The following MSH3 variants were observed in gnomAD, a reference collection of about 807,000 sequenced individuals.
MSH3 encodes the protein DNA mismatch repair protein Msh3.
In MSH3, 106 loss-of-function variants were observed where a neutral mutation model predicts 123.3. The observed-to-expected ratio is 0.86, with a 90% CI of 0.73 to 1.01. The LOEUF (loss-of-function observed/expected upper bound fraction) is 1.01, where lower values mean the gene tolerates loss of function less well. MSH3 is among the 50% of genes least tolerant of loss of function. The pLI, the probability that MSH3 is intolerant of heterozygous loss-of-function variation, is 0.00. For synonymous variants in MSH3, 515 were observed against 481.4 expected (o/e 1.07, Z -0.91); for missense variants, 1,459 against 1,347.6 (o/e 1.08, Z -1.29).
chr5:80,820,030 G>A (rs919943431), intron 20 of MSH3, among the ~76,000 whole-genome samples: 3 of 152,146 alleles, frequency 2.0e-5, no homozygotes, highest in African/African-American at 4.8e-5. Flanking sequence ...ATGTGTATAC[G>A]TGTTTATTTG....
intron 17 of MSH3, 130 bp downstream of exon 17, chr5:80,778,966 C>T: frequency 1.6e-4 from 84 of 523,488 alleles, no homozygotes; most frequent in South Asian, 3.3e-4. Context: ...TACATGTGTT[C>T]TCTGATTTTA....
chr5:80,753,463 C>A (rs1394551750), intron 12 of MSH3, among the ~76,000 whole-genome samples: 1 of 152,110 alleles, frequency 6.6e-6, no homozygotes, highest in Non-Finnish European at 1.5e-5. Context: ...AATAATATAA[C>A]CATGAACAAT....
intron 12 of MSH3, among the ~76,000 whole-genome samples, chr5:80,758,118 ACTT>A (rs768075622): frequency 3.3e-5 from 5 of 152,132 alleles, no homozygotes; most frequent in Non-Finnish European, 5.9e-5. Flanking sequence ...GATCATTACT[ACTT>A]GTCAGGTTTA....
At chr5:80,697,390 T>G (rs1303490758) in intron 8 of MSH3, among the ~76,000 whole-genome samples, 2 of 152,206 alleles carry the variant, frequency 1.3e-5, no homozygotes, top group African/African-American at 2.4e-5. Context: ...TTTTTTACCT[T>G]CATAGTTAAA....
At chr5:80,766,148 C>T (rs1421131220) in intron 13 of MSH3, among the ~76,000 whole-genome samples, 1 of 151,936 alleles carries the variant, frequency 6.6e-6, no homozygotes, top group African/African-American at 2.4e-5. Flanking sequence ...TAGAAGTTCC[C>T]TAACAGGGCA....
chr5:80,741,599 T>C (rs1743615948), intron 11 of MSH3, 51 bp downstream of exon 11: 1 of 1,280,528 alleles, frequency 7.8e-7, no homozygotes, highest in African/African-American at 1.5e-5. Context: ...GGGAAAAACT[T>C]CTGAGTAAGG....
At position 80,728,795 on chromosome 5, in the gene MSH3, T is replaced by A. The variant is rs578090325; in HGVS notation, c.1454-56T>A. On this transcript the variant is annotated intron_variant, in intron 9 of 23. Transcript: ENST00000265081. Reference sequence around the variant, plus strand: ...TAATGGTTCTGTTTATTACATTTTTTAATTTGATTAATTTAAAAGAATTTT... The same window carrying A: ...TAATGGTTCTGTTTATTACATTTTTAAATTTGATTAATTTAAAAGAATTTT... 1.1e-4 allele frequency: 103 copies of A among 942,470 alleles called. No homozygotes were observed. The East Asian group carries it at 2.3e-3, about 21-fold the overall frequency. The allele number at this position is 942,470 out of a possible 1,614,324, so 58.4% of individuals were successfully genotyped here. A position where few individuals can be genotyped will look rare whatever the true frequency, so the allele number is the denominator to read the frequency against.
At chr5:80,792,635 G>A (rs1016585262) in intron 18 of MSH3, 98 bp from the exon 19 acceptor site, 29 of 705,806 alleles carry the variant, frequency 4.1e-5, no homozygotes, top group Middle Eastern at 3.5e-4. Flanking sequence ...GTTTTCTGTC[G>A]TACAAACAGA....
chr5:80,778,690 T>G (rs1411259051), intron 16 of MSH3, 30 bp from the exon 17 acceptor site: 3 of 1,277,114 alleles, frequency 2.3e-6, no homozygotes, highest in South Asian at 2.4e-5. Flanking sequence ...TAACCTTGAT[T>G]TCCTATTTGT....
intron 4 of MSH3, 56 bp from the exon 5 acceptor site, chr5:80,672,183 AACATC>A: frequency 8.4e-7 from 1 of 1,190,296 alleles, no homozygotes; most frequent in Non-Finnish European, 1.2e-6. Context: ...AAAGTGAACC[AACATC>A]ACATAGGGAA....
At chr5:80,791,954 A>T (rs1170876583) in intron 18 of MSH3, among the ~76,000 whole-genome samples, 1 of 152,204 alleles carries the variant, frequency 6.6e-6, no homozygotes, top group Non-Finnish European at 1.5e-5. Context: ...TAAAACAGAT[A>T]TAGAGGTCTT....
intron 12 of MSH3, among the ~76,000 whole-genome samples, chr5:80,752,164 A>T (rs1188198974): frequency 6.6e-6 from 1 of 151,990 alleles, no homozygotes; most frequent in Non-Finnish European, 1.5e-5. Flanking sequence ...ATAAAGGAAA[A>T]TGCCTAGGAA....
At chr5:80,739,093 T>C (rs1275377192) in intron 10 of MSH3, among the ~76,000 whole-genome samples, 1 of 152,210 alleles carries the variant, frequency 6.6e-6, no homozygotes, top group Admixed American at 6.5e-5. Flanking sequence ...TAAACAAAGA[T>C]GCCAGCTAAG....
chr5:80,684,408 C>T (rs1046170264), intron 8 of MSH3, among the ~76,000 whole-genome samples: 1 of 151,852 alleles, frequency 6.6e-6, no homozygotes, highest in African/African-American at 2.4e-5. Flanking sequence ...TTGGTTAACT[C>T]CTAGATATTT....
intron 8 of MSH3, among the ~76,000 whole-genome samples, chr5:80,690,349 C>T (rs1284845152): frequency 6.6e-6 from 1 of 151,992 alleles, no homozygotes; most frequent in Non-Finnish European, 1.5e-5. Context: ...GCTCTGTCAC[C>T]CAGACTGGAG....
chr5:80,758,098 G>A (rs991198587), intron 12 of MSH3, among the ~76,000 whole-genome samples: 1 of 152,100 alleles, frequency 6.6e-6, no homozygotes, highest in Admixed American at 6.5e-5. Context: ...TCAGCACAGC[G>A]AGTACTTCAG....
intron 20 of MSH3, among the ~76,000 whole-genome samples, chr5:80,839,675 T>A (rs1745582474): frequency 6.6e-6 from 1 of 152,258 alleles, no homozygotes. Context: ...ATAATCCTCC[T>A]ACCCAGAGAT....
At chr5:80,674,830 T>G (rs1372123355) in intron 6 of MSH3, among the ~76,000 whole-genome samples, 153 bp from the exon 7 acceptor site, 1 of 152,138 alleles carries the variant, frequency 6.6e-6, no homozygotes, top group Non-Finnish European at 1.5e-5. Flanking sequence ...TCCTACCACC[T>G]TGGCCTCCTA....
At chr5:80,688,083 G>T (rs1330755845) in intron 8 of MSH3, among the ~76,000 whole-genome samples, 2 of 152,178 alleles carry the variant, frequency 1.3e-5, no homozygotes, top group Non-Finnish European at 2.9e-5. Context: ...ATAGTTTACT[G>T]AAACTGTATG....
Sources: gnomAD v4.1 joint callset for allele counts (sites outside exome capture counted in the v4.1 genomes callset) on GRCh38, gnomAD v4.1.1 for gene constraint, MANE v1.5 for transcripts, NCBI Gene and HGNC (gene_info 2026-07-23, HGNC 2026-07-21) for gene names.